The following EIF4E variants were observed in gnomAD, a reference collection of about 807,000 sequenced individuals.
EIF4E encodes the protein eIF-4F 25 kDa subunit.
For missense variants in EIF4E, 113 were observed against 265.6 expected (o/e 0.43, Z 3.99); for synonymous variants, 71 against 88.5 (o/e 0.80, Z 1.11).
intron 6 of EIF4E, 28 bp downstream of exon 6, chr4:98,884,894 A>G: frequency 5.0e-6 from 8 of 1,611,268 alleles, no homozygotes; most frequent in Non-Finnish European, 5.9e-6. Flanking sequence ...TAATACTGTA[A>G]AATAAGTAGG....
At chr4:98,882,293 G>A (rs1723730702) in intron 6 of EIF4E, among the ~76,000 whole-genome samples, 1 of 151,604 alleles carries the variant, frequency 6.6e-6, no homozygotes, top group African/African-American at 2.4e-5. Context: ...TCGGGAGGCT[G>A]AGGCAGGAGA....
Position 98,884,841 on chromosome 4 carries a change from T to C in EIF4E, c.539+81A>G, listed in dbSNP as rs1159737048. The C allele has an allele frequency of 1.9e-6, 3 of 1,558,930 alleles. No homozygotes were observed. In the African/African-American group the frequency reaches 4.1e-5, roughly 21 times the overall value. ...AAAACAGGATCTACAAACTGAAGTA[T>C]TTCTAAAGCTACAAATAAAATAACT... On this transcript the variant is annotated intron_variant, in intron 6 of 6. Coordinates refer to ENST00000450253, the MANE Select transcript of EIF4E (RefSeq NM_001968.5).
chr4:98,897,717 TAA>T (rs1421785719), intron 2 of EIF4E, among the ~76,000 whole-genome samples: 1 of 152,230 alleles, frequency 6.6e-6, no homozygotes, highest in Non-Finnish European at 1.5e-5. Context: ...TGTCTGAACT[TAA>T]GATTGTTGCT....
At chr4:98,891,596 T>C (rs1478961272) in intron 2 of EIF4E, 3 of 443,174 alleles carry the variant, frequency 6.8e-6, no homozygotes, top group Middle Eastern at 6.4e-4. Flanking sequence ...ATTCCACTTA[T>C]ATGAGGTATA....
chr4:98,913,845 GA>G (rs940350000), intron 1 of EIF4E, among the ~76,000 whole-genome samples: 32 of 151,840 alleles, frequency 2.1e-4, no homozygotes, highest in African/African-American at 7.7e-4. Context: ...TGGGAAAATA[GA>G]AAAATAATAA....
chr4:98,916,845 A>G (rs1041082919), intron 1 of EIF4E, among the ~76,000 whole-genome samples: 5 of 152,114 alleles, frequency 3.3e-5, no homozygotes, highest in African/African-American at 9.7e-5. Flanking sequence ...CCAACGTGAG[A>G]TAAGAAACCA....
At chr4:98,913,080 C>T (rs758674889) in intron 1 of EIF4E, among the ~76,000 whole-genome samples, 34 of 151,716 alleles carry the variant, frequency 2.2e-4, no homozygotes, top group Non-Finnish European at 4.0e-4. Context: ...TAGTGGCACG[C>T]GCCTGTAATC....
chr4:98,904,394 A>G lies in EIF4E; in HGVS notation c.19-2412T>C, dbSNP rs139883563. 9.6e-4 allele frequency among the ~76,000 whole-genome samples: 146 copies of G among 152,322 alleles called. 1 individual carries two copies. Among genetic ancestry groups the G allele is most frequent in the Middle Eastern group, 3.4e-3 (1 of 294 alleles). Reference sequence around the variant, plus strand: ...GTTATCACTCAGGAAAAACATATTCAGTTCCTAGAATTTTAAAGTGTTATT... The same window carrying G: ...GTTATCACTCAGGAAAAACATATTCGGTTCCTAGAATTTTAAAGTGTTATT... On this transcript the variant is annotated intron_variant, in intron 1 of 6. Coordinates refer to ENST00000450253, the MANE Select transcript of EIF4E (RefSeq NM_001968.5).
At chr4:98,907,726 G>A (rs951471031) in intron 1 of EIF4E, among the ~76,000 whole-genome samples, 4 of 152,150 alleles carry the variant, frequency 2.6e-5, no homozygotes, top group Non-Finnish European at 5.9e-5. Flanking sequence ...AGTATGATAG[G>A]AGAAAACTTT....
At chr4:98,884,780 C>T in intron 6 of EIF4E, 142 bp downstream of exon 6, 1 of 1,161,902 alleles carries the variant, frequency 8.6e-7, no homozygotes, top group Admixed American at 2.3e-5. Flanking sequence ...TTGAGCCGTT[C>T]AAAATTATAA....
chr4:98,904,892 G>A (rs1483436441), intron 1 of EIF4E, among the ~76,000 whole-genome samples: 1 of 151,690 alleles, frequency 6.6e-6, no homozygotes, highest in Non-Finnish European at 1.5e-5. Flanking sequence ...AAAATCTTTA[G>A]TCTTCACTTT....
chr4:98,893,185 G>C (rs1724232742), intron 2 of EIF4E, among the ~76,000 whole-genome samples: 1 of 152,112 alleles, frequency 6.6e-6, no homozygotes, highest in Non-Finnish European at 1.5e-5. Context: ...AAATTCTATT[G>C]CTAAAAATGC....
intron 1 of EIF4E, among the ~76,000 whole-genome samples, chr4:98,917,123 CACACACACACAAAA>C (rs1412167024): frequency 0.018 from 1,005 of 56,576 alleles, 30 homozygotes; most frequent in South Asian, 0.08. Context: ...CACACACACA[CACACACACACAAAA>C]AAAACCCAAA....
intron 1 of EIF4E, among the ~76,000 whole-genome samples, chr4:98,913,510 T>A (rs865933283): frequency 6.6e-6 from 1 of 152,164 alleles, no homozygotes; most frequent in East Asian, 1.9e-4. Context: ...CTCACTATAT[T>A]GCTCAGCCTG....
intron 1 of EIF4E, among the ~76,000 whole-genome samples, chr4:98,924,042 C>A (rs1725766785): frequency 6.6e-6 from 1 of 151,988 alleles, no homozygotes; most frequent in Non-Finnish European, 1.5e-5. Flanking sequence ...GATGGTGCAA[C>A]TCACCGGTAC....
intron 2 of EIF4E, among the ~76,000 whole-genome samples, chr4:98,896,233 A>G (rs1724381218): frequency 7.3e-6 from 1 of 137,004 alleles, no homozygotes; most frequent in African/African-American, 3.6e-5. Flanking sequence ...TAAGCTAGGC[A>G]TGATGGCATG....
chr4:98,922,830 T>G (rs13133934), intron 1 of EIF4E, among the ~76,000 whole-genome samples: 28,710 of 150,066 alleles, frequency 0.19, 3,648 homozygotes, highest in Non-Finnish European at 0.28. Flanking sequence ...TAAACTTCAT[T>G]TTCCTGTTTT....
Position 98,887,323 on chromosome 4 carries a change from G to T in EIF4E, c.286-131C>A. On this transcript the variant is annotated intron_variant, in intron 4 of 6. Transcript: ENST00000450253. This position sits in a 1 kb window ranked among gnomAD's most constrained non-coding sequence, Gnocchi z 4.0. ...TGCCCATAAAACTGCCATTGATGTA[G>T]TTTTTAAACAGCACATAAGACTTAA... 1 of 932,258 alleles carries T rather than the reference G, an allele frequency of 1.1e-6. No individual in the cohort carries two copies. Among genetic ancestry groups the T allele is most frequent in the Non-Finnish European group, 1.7e-6 (1 of 572,600 alleles). The allele number at this position is 932,258 out of a possible 1,614,324, so 57.7% of individuals were successfully genotyped here.
intron 1 of EIF4E, among the ~76,000 whole-genome samples, chr4:98,917,115 CACACACACACACACACACAA>C (rs1182465848): frequency 1.2e-4 from 13 of 104,986 alleles, no homozygotes; most frequent in South Asian, 5.3e-4. Flanking sequence ...CACACACACA[CACACACACACACACACACAA>C]AAAAAACCCA....
Sources: allele counts gnomAD v4.1 joint callset (sites outside exome capture counted in the v4.1 genomes callset), GRCh38; gene constraint gnomAD v4.1.1; non-coding constraint Gnocchi (gnomAD v3.1); transcripts MANE v1.5; gene names NCBI Gene and HGNC (gene_info 2026-07-23, HGNC 2026-07-21).